CDH18: variants seen among roughly 807,000 people sequenced by gnomAD.
The protein encoded by CDH18 is cadherin-18.
A neutral mutation model predicts 67.9 loss-of-function variants in CDH18; 31 were observed. That is an observed-to-expected ratio of 0.46 (90% CI 0.34 to 0.62). CDH18 has a LOEUF of 0.62. CDH18 is among the 20% of genes least tolerant of loss of function. The probability of loss-of-function intolerance (pLI) is 0.01; values close to 1 mark genes in which losing one functional copy is unlikely to be tolerated. For synonymous variants in CDH18, 362 were observed against 347.2 expected, an observed-to-expected ratio of 1.04 and a Z score of -0.48; for missense variants, 890 against 975.5, an observed-to-expected ratio of 0.91 and a Z score of 1.17.
chr5:20,397,352 G>A, intron 1 of CDH18, among the ~76,000 whole-genome samples: 1 of 152,026 alleles, frequency 6.6e-6, no homozygotes, highest in East Asian at 1.9e-4. Context: ...GGCTGGCCTA[G>A]AACTCCTGGC....
rs1262292806 is a variant in CDH18 at position 20,032,364 on chromosome 5, TA to T, written c.-517-40351del. 2.0e-5 allele frequency among the ~76,000 whole-genome samples: 3 copies of T among 151,990 alleles called. No individual in the cohort carries two copies. In the East Asian group the frequency reaches 5.8e-4, roughly 29 times the overall value. ...TATTTTTCAGCAAAAATGGACAAGT[TA>T]TATTTTACAGAGATAGTAGAGATAA... On this transcript the variant is annotated intron_variant, in intron 2 of 14. Coordinates refer to the CDH18 transcript ENST00000507958.
intron 1 of CDH18, among the ~76,000 whole-genome samples, chr5:20,375,641 A>T (rs1409541898): frequency 4.6e-5 from 7 of 152,274 alleles, no homozygotes; most frequent in South Asian, 2.1e-4. Flanking sequence ...GTGACTGTCA[A>T]TTCATTTTTT....
intron 2 of CDH18, among the ~76,000 whole-genome samples, chr5:19,891,797 T>C (rs1411386670): frequency 6.6e-6 from 1 of 152,182 alleles, no homozygotes; most frequent in Non-Finnish European, 1.5e-5. Context: ...ATTATATATG[T>C]TTGCTTTCTA....
chr5:20,124,035 T>C (rs1037406519), intron 2 of CDH18, among the ~76,000 whole-genome samples: 1 of 152,130 alleles, frequency 6.6e-6, no homozygotes, highest in Non-Finnish European at 1.5e-5. Flanking sequence ...GTATAAAATT[T>C]TATGTAAGGA....
At chr5:20,421,406 GA>G (rs1353543616) in intron 1 of CDH18, among the ~76,000 whole-genome samples, 1 of 150,448 alleles carries the variant, frequency 6.6e-6, no homozygotes, top group East Asian at 1.9e-4. Context: ...GGAAGCCTGA[GA>G]AAAGGGAATG....
chr5:20,158,562 T>A (rs1042486585), intron 2 of CDH18: 1 of 153,292 alleles, frequency 6.5e-6, no homozygotes, highest in Non-Finnish European at 1.5e-5. Flanking sequence ...TTTTAGTAAA[T>A]GTTTTCATAA....
At chr5:20,139,210 T>A (rs1244531615) in intron 2 of CDH18, among the ~76,000 whole-genome samples, 3 of 152,096 alleles carry the variant, frequency 2.0e-5, no homozygotes, top group Non-Finnish European at 2.9e-5. Flanking sequence ...AAACAAGAAA[T>A]GGGGAAAGGA....
At chr5:19,903,541 G>GTGTATATATATATATA (rs374931710) in intron 2 of CDH18, among the ~76,000 whole-genome samples, 61 of 124,756 alleles carry the variant, frequency 4.9e-4, no homozygotes, top group East Asian at 1.3e-3. Context: ...GTGTGTGTGT[G>GTGTATATATATATATA]TATATATATA....
chr5:20,132,392 C>A (rs1749341025), intron 2 of CDH18, among the ~76,000 whole-genome samples: 1 of 151,860 alleles, frequency 6.6e-6, no homozygotes, highest in South Asian at 2.1e-4. Flanking sequence ...CTCTATTATT[C>A]ATATATTTTA....
intron 1 of CDH18, among the ~76,000 whole-genome samples, chr5:20,322,228 A>C (rs1253036718): frequency 6.6e-6 from 1 of 152,152 alleles, no homozygotes; most frequent in African/African-American, 2.4e-5. Flanking sequence ...CACTGATTTC[A>C]GTTGAGTCAA....
At chr5:20,009,759 G>A (rs891538271) in intron 2 of CDH18, among the ~76,000 whole-genome samples, 2 of 151,990 alleles carry the variant, frequency 1.3e-5, no homozygotes, top group African/African-American at 4.8e-5. Context: ...CTCAAAATGT[G>A]GTAATATTTG....
chr5:20,410,887 G>A (rs892465664), intron 1 of CDH18, among the ~76,000 whole-genome samples: 2 of 151,640 alleles, frequency 1.3e-5, no homozygotes, highest in Non-Finnish European at 3.0e-5. Context: ...TAAGAATAAA[G>A]TTAACTAAAG....
chr5:19,930,276 A>T (rs1793535660), intron 2 of CDH18, among the ~76,000 whole-genome samples: 1 of 152,028 alleles, frequency 6.6e-6, no homozygotes, highest in African/African-American at 2.4e-5. Flanking sequence ...ATTCTTAATT[A>T]CTATCAAATA....
At chr5:19,539,757 C>T (rs1749954187) in intron 9 of CDH18, among the ~76,000 whole-genome samples, 1 of 152,154 alleles carries the variant, frequency 6.6e-6, no homozygotes, top group South Asian at 2.1e-4. Flanking sequence ...GACTTATTCA[C>T]TATGACCAGA....
intron 7 of CDH18, among the ~76,000 whole-genome samples, chr5:19,573,224 C>T (rs1463774950): frequency 1.3e-5 from 2 of 151,646 alleles, no homozygotes; most frequent in South Asian, 2.1e-4. Context: ...TATGACCTAT[C>T]ACACTAGAAA....
intron 2 of CDH18, among the ~76,000 whole-genome samples, chr5:20,051,036 T>C (rs1741375073): frequency 6.6e-6 from 1 of 151,908 alleles, no homozygotes; most frequent in South Asian, 2.1e-4. Flanking sequence ...TTTATCACAC[T>C]TGTTTGTTGT....
intron 1 of CDH18, among the ~76,000 whole-genome samples, chr5:20,332,711 G>A (rs1561979351): frequency 6.6e-6 from 1 of 152,094 alleles, no homozygotes; most frequent in Non-Finnish European, 1.5e-5. Flanking sequence ...ATTAAATATT[G>A]AAAGAAATTT....
At chr5:20,038,047 T>C (rs1740047947) in intron 2 of CDH18, among the ~76,000 whole-genome samples, 1 of 152,044 alleles carries the variant, frequency 6.6e-6, no homozygotes, top group Non-Finnish European at 1.5e-5. Context: ...AAAAACAAAC[T>C]ACCATCAGAG....
At chr5:19,508,869 T>TC (rs1041174437) in intron 10 of CDH18, among the ~76,000 whole-genome samples, 40 of 149,094 alleles carry the variant, frequency 2.7e-4, no homozygotes, top group Middle Eastern at 6.9e-3. Flanking sequence ...TCTTTTCTTT[T>TC]TTTTTTTTTT....
Sources: gnomAD v4.1 joint callset for allele counts (sites outside exome capture counted in the v4.1 genomes callset) on GRCh38, gnomAD v4.1.1 for gene constraint, MANE v1.5 for transcripts, NCBI Gene and HGNC (gene_info 2026-07-23, HGNC 2026-07-21) for gene names.